Variants in EPB41L4A observed in about 807,000 individuals in gnomAD.
EPB41L4A encodes erythrocyte membrane protein band 4.1 like 4A, also known as band 4.1-like protein 4A.
In EPB41L4A, 100 loss-of-function variants were observed where a neutral mutation model predicts 108.6. The ratio of observed to expected loss-of-function variants is 0.92; its 90% confidence interval spans 0.78 to 1.09. EPB41L4A has a LOEUF of 1.09. EPB41L4A is among the 50% of genes least tolerant of loss of function. The pLI, the probability that EPB41L4A is intolerant of heterozygous loss-of-function variation, is 0.00. For synonymous variants in EPB41L4A, 319 were observed against 289.0 expected, an observed-to-expected ratio of 1.10 and a Z score of -1.05; for missense variants, 1,030 against 842.7, an observed-to-expected ratio of 1.22 and a Z score of -2.75.
At chr5:112,407,125 T>C (rs558180449) in intron 1 of EPB41L4A, among the ~76,000 whole-genome samples, 138 of 151,614 alleles carry the variant, frequency 9.1e-4, no homozygotes, top group African/African-American at 2.4e-3. Context: ...CAGAAACGAG[T>C]TCGTGTGAAA....
At chr5:112,336,972 T>C (rs1287286245) in intron 1 of EPB41L4A, among the ~76,000 whole-genome samples, 1 of 152,180 alleles carries the variant, frequency 6.6e-6, no homozygotes, top group Non-Finnish European at 1.5e-5. Flanking sequence ...ACAACCTGTC[T>C]GTAGTTATTT....
Position 112,264,941 on chromosome 5 carries a change from T to C in EPB41L4A, c.509A>G (p.Lys170Arg). ...TTCTATGGCTTCTTCAAGTTCTTCC[T>C]TCTGATCAGGAACAAACCGGTACTC... ...VSEYRFVPDQ[K>R]EELEEAIERI... is the part of the protein sequence containing the mutation. Residue 170 changes from lysine (K) to arginine (R), a missense_variant, in exon 6 of 23, where the codon AAG becomes AGG. Lys to Arg is a conservative substitution (Grantham distance 26). Transcript: ENST00000261486. The C allele has an allele frequency of 6.2e-7, 1 of 1,612,760 alleles. No individual in the cohort carries two copies.
chr5:112,265,248 T>C (rs139100594), intron 5 of EPB41L4A, among the ~76,000 whole-genome samples: 1 of 152,252 alleles, frequency 6.6e-6, no homozygotes, highest in Admixed American at 6.5e-5. Context: ...CCAAATACTA[T>C]AATTATATCA....
At chr5:112,232,037 C>G (rs80346917) in intron 12 of EPB41L4A, among the ~76,000 whole-genome samples, 1,985 of 151,158 alleles carry the variant, frequency 0.013, 9 homozygotes, top group Middle Eastern at 0.024. Flanking sequence ...ATTGCTTGAG[C>G]CATAAGTTCA....
chr5:112,313,927 A>C (rs1336531212), intron 1 of EPB41L4A, among the ~76,000 whole-genome samples: 1 of 135,626 alleles, frequency 7.4e-6, no homozygotes, highest in African/African-American at 2.9e-5. Context: ...GCAGTGGCGC[A>C]ATCTCCGCTC....
chr5:112,257,908 C>A (rs1003631872), intron 9 of EPB41L4A, among the ~76,000 whole-genome samples: 1 of 152,196 alleles, frequency 6.6e-6, no homozygotes, highest in Non-Finnish European at 1.5e-5. Context: ...AGCTACTCTA[C>A]TTTTTGCATG....
chr5:112,272,227 C>T (rs529079045), intron 4 of EPB41L4A, among the ~76,000 whole-genome samples: 35 of 150,668 alleles, frequency 2.3e-4, no homozygotes, highest in Non-Finnish European at 3.2e-4. Flanking sequence ...CTCCGCCTCC[C>T]GGGTTCAAGC....
chr5:112,389,062 G>C (rs942772018), intron 1 of EPB41L4A, among the ~76,000 whole-genome samples: 2 of 151,802 alleles, frequency 1.3e-5, no homozygotes, highest in African/African-American at 4.8e-5. Context: ...GGAATTGTTG[G>C]ACGTGGAAAA....
At chr5:112,396,384 T>C (rs1441344301) in intron 1 of EPB41L4A, among the ~76,000 whole-genome samples, 2 of 152,206 alleles carry the variant, frequency 1.3e-5, no homozygotes, top group African/African-American at 4.8e-5. Flanking sequence ...TTTACTTCAG[T>C]TTTAAATGAA....
At position 112,191,646 on chromosome 5, in the gene EPB41L4A, T is replaced by C. The variant is rs148351914; in HGVS notation, c.1502+2922A>G. On this transcript the variant is annotated intron_variant, in intron 17 of 22. Transcript: ENST00000261486. ...ACAATATTTCCATGGAGTGGCCTCATGCCTAACAGAAAAGACCTCATTTAT... is the reference window on the plus strand; with the variant it reads ...ACAATATTTCCATGGAGTGGCCTCACGCCTAACAGAAAAGACCTCATTTAT... Among the ~76,000 whole-genome samples, 301 of 150,458 alleles carry C rather than the reference T, an allele frequency of 2.0e-3. 1 individual carries two copies. Among genetic ancestry groups the C allele is most frequent in the African/African-American group, 6.8e-3 (279 of 40,826 alleles).
chr5:112,335,129 G>A (rs1252881504), intron 1 of EPB41L4A, among the ~76,000 whole-genome samples: 1 of 152,138 alleles, frequency 6.6e-6, no homozygotes, highest in Non-Finnish European at 1.5e-5. Context: ...CCTGGACACA[G>A]GATGTCTCGT....
chr5:112,320,636 G>C (rs1755713341), intron 1 of EPB41L4A, among the ~76,000 whole-genome samples: 1 of 152,172 alleles, frequency 6.6e-6, no homozygotes, highest in East Asian at 1.9e-4. Context: ...AGAGGTTGAA[G>C]GGGAGTATGG....
intron 9 of EPB41L4A, chr5:112,249,455 A>T (rs932983717): frequency 1.3e-5 from 2 of 152,156 alleles, no homozygotes; most frequent in African/African-American, 4.8e-5. Context: ...ACAAAATTGT[A>T]AGTCTTTTGA....
At chr5:112,246,846 CT>C (rs918217819) in intron 9 of EPB41L4A, among the ~76,000 whole-genome samples, 14 of 152,268 alleles carry the variant, frequency 9.2e-5, no homozygotes, top group Admixed American at 8.5e-4. Context: ...CCCTACCCCC[CT>C]CTTACATGAA....
chr5:112,168,226 A>C (rs1760369211), intron 22 of EPB41L4A, among the ~76,000 whole-genome samples: 1 of 152,214 alleles, frequency 6.6e-6, no homozygotes, highest in Admixed American at 6.5e-5. Context: ...CTAAGTGTTA[A>C]AGTGATTTTG....
chr5:112,387,078 G>A (rs894694225), intron 1 of EPB41L4A, among the ~76,000 whole-genome samples: 1 of 152,176 alleles, frequency 6.6e-6, no homozygotes, highest in African/African-American at 2.4e-5. Context: ...CTGGGGGCCT[G>A]CACACTCCCC....
rs556679574 is a variant in EPB41L4A at position 112,399,859 on chromosome 5, C to T, written c.99+19082G>A. 8.5e-5 allele frequency among the ~76,000 whole-genome samples: 13 copies of T among 152,348 alleles called. No homozygotes were observed. In the East Asian group the frequency reaches 2.3e-3, roughly 27 times the overall value. ...GCTCCAGTGGGCATCCCTTCACCCC[C>T]TTTGACTAATCCTTCAAAGTCAAAT... On this transcript the variant is annotated intron_variant, in intron 1 of 22. Coordinates refer to ENST00000261486, the MANE Select transcript of EPB41L4A (RefSeq NM_022140.5).
chr5:112,160,676 G>T (rs1387428456), downstream of EPB41L4A: 1 of 153,924 alleles, frequency 6.5e-6, no homozygotes, highest in Non-Finnish European at 1.5e-5. Flanking sequence ...GGTGACTCGG[G>T]CTGAGAACCC....
chr5:112,394,892 C>T lies in EPB41L4A; in HGVS notation c.99+24049G>A, dbSNP rs550446253. Among the ~76,000 whole-genome samples, 12 of 152,298 alleles carry T rather than the reference C, an allele frequency of 7.9e-5. No individual in the cohort carries two copies. The East Asian group carries it at 2.1e-3, about 27-fold the overall frequency. The stretch of plus-strand genomic sequence containing the variant: ...AAACAGCATGGTGCTGGTACCAAAA[C>T]AGAGATATAGACCAATGGAACAGAA... On this transcript the variant is annotated intron_variant, in intron 1 of 22. Transcript: ENST00000261486.
Sources: allele counts gnomAD v4.1 joint callset (sites outside exome capture counted in the v4.1 genomes callset), GRCh38; gene constraint gnomAD v4.1.1; transcripts MANE v1.5; gene names NCBI Gene and HGNC (gene_info 2026-07-23, HGNC 2026-07-21).